The following ACVR1C variants were observed in gnomAD, a reference collection of about 807,000 sequenced individuals.
ACVR1C encodes activin A receptor type 1C, also known as activin receptor type-1C.
Under a neutral mutation model 57.9 loss-of-function variants are expected in ACVR1C, and 23 were observed. The observed-to-expected ratio is 0.40, with a 90% CI of 0.29 to 0.56. The LOEUF is 0.56. ACVR1C is among the 20% of genes least tolerant of loss of function. ACVR1C has a pLI of 0.50. For missense variants in ACVR1C, 480 were observed against 607.9 expected (o/e 0.79, Z 2.21); for synonymous variants, 214 against 215.3 (o/e 0.99, Z 0.05).
intron 2 of ACVR1C, among the ~76,000 whole-genome samples, chr2:157,556,774 C>T (rs1688112523): frequency 6.6e-6 from 1 of 151,116 alleles, no homozygotes; most frequent in East Asian, 1.9e-4. Flanking sequence ...AGCCATTCTC[C>T]TGCCTCAGCC....
Position 157,586,301 on chromosome 2 carries a change from T to C in ACVR1C, c.304+886A>G, listed in dbSNP as rs374952894. On this transcript the variant is annotated intron_variant, in intron 2 of 8. Coordinates refer to ENST00000243349, the MANE Select transcript of ACVR1C (RefSeq NM_145259.3). Reference sequence around the variant, plus strand: ...AAAGGTGGTTAGTTTATTTAAAAAATAGGTAAAAAGTACTTTAGTGGTATA... The same window carrying C: ...AAAGGTGGTTAGTTTATTTAAAAAACAGGTAAAAAGTACTTTAGTGGTATA... 5.1e-4 allele frequency among the ~76,000 whole-genome samples: 77 copies of C among 152,164 alleles called. 1 individual carries two copies. The South Asian group carries it at 0.011, about 21-fold the overall frequency.
At chr2:157,577,212 C>A (rs1688683325) in intron 2 of ACVR1C, among the ~76,000 whole-genome samples, 1 of 152,068 alleles carries the variant, frequency 6.6e-6, no homozygotes, top group Non-Finnish European at 1.5e-5. Context: ...GATTCAAGTT[C>A]TTTAATATCG....
intron 3 of ACVR1C, among the ~76,000 whole-genome samples, chr2:157,554,422 AAAGG>A (rs1048071173): frequency 5.8e-4 from 88 of 151,166 alleles, no homozygotes; most frequent in African/African-American, 1.6e-3. Flanking sequence ...GGAAGGAGAC[AAAGG>A]AAGGAAGGAA....
chr2:157,532,337 A>T lies in ACVR1C; in HGVS notation c.*1581T>A, dbSNP rs1248504155. The T allele has an allele frequency of 6.6e-6, 1 of 151,396 alleles. No homozygotes were observed. The highest frequency in any genetic ancestry group is 2.1e-4 in the South Asian group (1 of 4,778). The allele number at this position is 151,396 out of a possible 1,614,324, so 9.4% of individuals were successfully genotyped here. On this transcript the variant is annotated 3_prime_UTR_variant, in exon 9 of 9. Transcript: ENST00000243349. ...TCAGGTAATCTGAGCAATCCAGTTTAAAAAAAAATCAAGTAGCATTTCTTT... is the reference window on the plus strand; with the variant it reads ...TCAGGTAATCTGAGCAATCCAGTTTTAAAAAAAATCAAGTAGCATTTCTTT...
intron 1 of ACVR1C, among the ~76,000 whole-genome samples, chr2:157,595,157 G>A (rs1025884136): frequency 2.6e-5 from 4 of 152,198 alleles, no homozygotes; most frequent in African/African-American, 7.2e-5. Context: ...AATGGTTCAC[G>A]ACAAAATTAT....
At chr2:157,614,800 A>G (rs1436833359) in intron 1 of ACVR1C, among the ~76,000 whole-genome samples, 2 of 152,134 alleles carry the variant, frequency 1.3e-5, no homozygotes, top group Non-Finnish European at 2.9e-5. Context: ...TAATATAGCC[A>G]CCCCAGCTTT....
chr2:157,565,844 C>T (rs1285513588), intron 2 of ACVR1C, among the ~76,000 whole-genome samples: 1 of 152,138 alleles, frequency 6.6e-6, no homozygotes, highest in African/African-American at 2.4e-5. Context: ...TGATGAACAT[C>T]AAGAGGCTGC....
At chr2:157,580,161 T>C (rs1688756134) in intron 2 of ACVR1C, among the ~76,000 whole-genome samples, 1 of 152,120 alleles carries the variant, frequency 6.6e-6, no homozygotes, top group Non-Finnish European at 1.5e-5. Context: ...TCATATATAC[T>C]ACAAGTATTT....
intron 2 of ACVR1C, among the ~76,000 whole-genome samples, chr2:157,572,834 GTCTGGCACACC>G (rs1242906979): frequency 1.3e-5 from 2 of 152,128 alleles, no homozygotes; most frequent in African/African-American, 4.8e-5. Flanking sequence ...AAAAAAGCCT[GTCTGGCACACC>G]TGTCAGGTGT....
At chr2:157,585,796 G>A (rs1462923412) in intron 2 of ACVR1C, among the ~76,000 whole-genome samples, 2 of 152,100 alleles carry the variant, frequency 1.3e-5, no homozygotes, top group East Asian at 1.9e-4. Flanking sequence ...GGAAGTCTAT[G>A]GCATCTGAGA....
intron 1 of ACVR1C, among the ~76,000 whole-genome samples, chr2:157,612,192 T>A (rs1348083248): frequency 6.6e-6 from 1 of 152,168 alleles, no homozygotes; most frequent in Non-Finnish European, 1.5e-5. Flanking sequence ...TAGCACTTAC[T>A]TCAGCTCCTG....
intron 2 of ACVR1C, among the ~76,000 whole-genome samples, chr2:157,580,770 C>G (rs972983994): frequency 1.4e-4 from 22 of 152,028 alleles, no homozygotes; most frequent in Admixed American, 3.3e-4. Context: ...CACACTGTAT[C>G]ACGAGGCTGG....
rs201171210 is a variant in ACVR1C, at chr2:157,556,221, C to G, written c.416G>C (p.Arg139Pro). The G allele has an allele frequency of 6.2e-7, 1 of 1,613,970 alleles. No individual in the cohort carries two copies. Among genetic ancestry groups the G allele is most frequent in the South Asian group, 1.1e-5 (1 of 91,048 alleles). Residue 139 changes from arginine (R) to proline (P), a missense_variant, in exon 3 of 9, where the codon CGA (arginine) becomes CCA (proline). Coordinates refer to ENST00000243349, the MANE Select transcript of ACVR1C (RefSeq NM_145259.3). ...AMLTVWACQG[R>P]QCSYRKKKRP... ...CTTTTTCTTCCTGTAGGAGCACTGT[C>G]GACCCTGGCATGCCCATACTGTCAG...
chr2:157,556,811 C>A (rs967781513), intron 2 of ACVR1C, among the ~76,000 whole-genome samples: 13 of 151,746 alleles, frequency 8.6e-5, no homozygotes, highest in African/African-American at 2.9e-4. Context: ...TTACAGGTGC[C>A]CACCACCATG....
intron 3 of ACVR1C, among the ~76,000 whole-genome samples, chr2:157,554,280 GAAGA>G (rs1475788192): frequency 9.8e-5 from 6 of 61,346 alleles, no homozygotes; most frequent in East Asian, 7.8e-4. Context: ...AGGAAGGAAG[GAAGA>G]GAGAGAGAGA....
At chr2:157,553,290 C>G (rs1010392407) in intron 3 of ACVR1C, among the ~76,000 whole-genome samples, 15 of 152,170 alleles carry the variant, frequency 9.9e-5, no homozygotes, top group African/African-American at 3.4e-4. Flanking sequence ...TTACTTTCAG[C>G]CACTGGTCAC....
Position 157,587,538 on chromosome 2 carries a change from C to A in ACVR1C, c.74-121G>T, listed in dbSNP as rs1031830143. On this transcript the variant is annotated intron_variant, in intron 1 of 8. Transcript: ENST00000243349. ...TGGAAAAAGGGTTTAAATAAAAACA[C>A]TTGCTAAACACATGCTAAGCAATTA... 4.1e-5 allele frequency: 29 copies of A among 708,686 alleles called. No homozygotes were observed. In the Middle Eastern group the frequency reaches 2.1e-3, roughly 51 times the overall value. The allele number at this position is 708,686 out of a possible 1,614,324, so 43.9% of individuals were successfully genotyped here.
chr2:157,605,584 A>G (rs1682374422), intron 1 of ACVR1C, among the ~76,000 whole-genome samples: 1 of 151,744 alleles, frequency 6.6e-6, no homozygotes, highest in Non-Finnish European at 1.5e-5. Flanking sequence ...ATCGAAATCC[A>G]TGGATGTGCA....
intron 1 of ACVR1C, among the ~76,000 whole-genome samples, chr2:157,622,867 G>C (rs758291917): frequency 8.6e-5 from 13 of 152,044 alleles, no homozygotes; most frequent in Non-Finnish European, 1.6e-4. Context: ...TCTCACAAGG[G>C]ATTAATATCC....
Sources: allele counts gnomAD v4.1 joint callset (sites outside exome capture counted in the v4.1 genomes callset), GRCh38; gene constraint gnomAD v4.1.1; transcripts MANE v1.5; gene names NCBI Gene and HGNC (gene_info 2026-07-23, HGNC 2026-07-21).